The following MARCHF1 variants were observed in gnomAD, a reference collection of about 807,000 sequenced individuals.
The protein encoded by MARCHF1 is E3 ubiquitin-protein ligase MARCHF1.
In MARCHF1, 40 loss-of-function variants were observed where a neutral mutation model predicts 54.2. The observed-to-expected ratio is 0.74, with a 90% CI of 0.57 to 0.96. MARCHF1 has a LOEUF of 0.96. Among genes scored for constraint, MARCHF1 ranks in the 40% least tolerant of loss-of-function variants. MARCHF1 has a pLI of 0.00. For missense variants in MARCHF1, 586 were observed against 656.5 expected (o/e 0.89, Z 1.17); for synonymous variants, 236 against 236.3 (o/e 1.00, Z 0.01).
intron 1 of MARCHF1, among the ~76,000 whole-genome samples, chr4:164,327,130 G>A (rs900735189): frequency 6.6e-6 from 1 of 152,006 alleles, no homozygotes; most frequent in Non-Finnish European, 1.5e-5. Context: ...TTAGCACCTA[G>A]AATAAAAATA....
Position 163,857,803 on chromosome 4 carries a change from C to T in MARCHF1, c.-38-3634G>A, listed in dbSNP as rs187834130. ...TGAACATTTTCTTTGTTCCAGACAC[C>T]GTGCTTGCAACCTTTGGTACAGAGA... On this transcript the variant is annotated intron_variant, in intron 3 of 9. Coordinates refer to ENST00000514618, the MANE Select transcript of MARCHF1 (RefSeq NM_001394959.1). 8.5e-5 allele frequency among the ~76,000 whole-genome samples: 13 copies of T among 152,118 alleles called. No individual in the cohort carries two copies. In the East Asian group the frequency reaches 1.6e-3, roughly 18 times the overall value.
intron 3 of MARCHF1, among the ~76,000 whole-genome samples, chr4:163,945,121 C>A (rs1751998138): frequency 6.6e-6 from 1 of 152,218 alleles, no homozygotes; most frequent in Admixed American, 6.5e-5. Context: ...CCTATGCTAG[C>A]CTCTACTCCC....
intron 3 of MARCHF1, among the ~76,000 whole-genome samples, chr4:163,880,229 C>A (rs1046428994): frequency 2.0e-4 from 30 of 151,312 alleles, no homozygotes; most frequent in African/African-American, 7.3e-4. Flanking sequence ...AATACATTAG[C>A]AACCAGATAT....
At chr4:164,181,127 A>G (rs1730822885) in intron 1 of MARCHF1, among the ~76,000 whole-genome samples, 1 of 152,026 alleles carries the variant, frequency 6.6e-6, no homozygotes, top group African/African-American at 2.4e-5. Flanking sequence ...TGCCTCTCCC[A>G]CTTTAGCCAC....
intron 4 of MARCHF1, among the ~76,000 whole-genome samples, chr4:163,740,854 A>C (rs956535370): frequency 6.6e-6 from 1 of 152,212 alleles, no homozygotes; most frequent in African/African-American, 2.4e-5. Flanking sequence ...CAAAAGATAC[A>C]TAGTGGCAAC....
intron 3 of MARCHF1, among the ~76,000 whole-genome samples, chr4:163,914,714 T>G (rs1751268418): frequency 6.6e-6 from 1 of 152,180 alleles, no homozygotes; most frequent in South Asian, 2.1e-4. Flanking sequence ...TGTTTGTTTT[T>G]GTTTTTATTT....
intron 5 of MARCHF1, among the ~76,000 whole-genome samples, chr4:163,643,392 C>T (rs1579149822): frequency 7.2e-6 from 1 of 138,016 alleles, no homozygotes; most frequent in East Asian, 2.1e-4. Flanking sequence ...CCAGGCTAGT[C>T]TCAAATTCCT....
chr4:163,926,135 G>A (rs1024217992), intron 3 of MARCHF1, among the ~76,000 whole-genome samples: 1 of 151,544 alleles, frequency 6.6e-6, no homozygotes, highest in African/African-American at 2.4e-5. Flanking sequence ...AAGTCAAAAT[G>A]CAGAACATCC....
At chr4:164,381,572 T>A (rs1469430171) in intron 1 of MARCHF1, among the ~76,000 whole-genome samples, 1 of 152,214 alleles carries the variant, frequency 6.6e-6, no homozygotes, top group Non-Finnish European at 1.5e-5. Flanking sequence ...TAATATCATA[T>A]GCCAAAAACC....
At chr4:164,042,273 C>G (rs1156632704) in intron 2 of MARCHF1, among the ~76,000 whole-genome samples, 1 of 152,044 alleles carries the variant, frequency 6.6e-6, no homozygotes, top group Non-Finnish European at 1.5e-5. Flanking sequence ...GTATAAAGAA[C>G]TACTTGAGAC....
intron 1 of MARCHF1, among the ~76,000 whole-genome samples, chr4:164,264,776 T>C (rs553291481): frequency 6.6e-6 from 1 of 151,804 alleles, no homozygotes; most frequent in African/African-American, 2.4e-5. Flanking sequence ...AAAAATTAGC[T>C]GGATGTGGTG....
chr4:164,216,254 T>C (rs779236120), intron 1 of MARCHF1, among the ~76,000 whole-genome samples: 14 of 152,246 alleles, frequency 9.2e-5, no homozygotes, highest in Non-Finnish European at 1.6e-4. Context: ...GTATAAGTGC[T>C]GGCAGTTGAT....
chr4:164,215,857 A>T (rs193302291), intron 1 of MARCHF1, among the ~76,000 whole-genome samples: 170 of 152,324 alleles, frequency 1.1e-3, no homozygotes, highest in African/African-American at 4.1e-3. Context: ...ACAACAGTAA[A>T]AACAATTTTC....
chr4:164,050,275 C>CAAAAAAAAAAAAAAAAAA (rs34642436), intron 2 of MARCHF1, among the ~76,000 whole-genome samples: 4 of 40,192 alleles, frequency 1.0e-4, no homozygotes, highest in East Asian at 1.1e-3. Context: ...ACACTGTCTC[C>CAAAAAAAAAAAAAAAAAA]AAAAAAAAAA....
At chr4:163,897,486 T>C (rs1366355092) in intron 3 of MARCHF1, among the ~76,000 whole-genome samples, 2 of 152,076 alleles carry the variant, frequency 1.3e-5, no homozygotes, top group African/African-American at 4.8e-5. Context: ...AAGGCTATAA[T>C]AACTAAAACA....
At chr4:163,720,332 G>A (rs150615067) in intron 4 of MARCHF1, among the ~76,000 whole-genome samples, 5,896 of 152,170 alleles carry the variant, frequency 0.039, 171 homozygotes, top group East Asian at 0.077. Context: ...AAGATCAGAT[G>A]GTTGTAGATG....
chr4:164,230,670 A>G (rs1732391568), intron 1 of MARCHF1, among the ~76,000 whole-genome samples: 1 of 152,086 alleles, frequency 6.6e-6, no homozygotes, highest in Admixed American at 6.6e-5. Context: ...CCATTCTACT[A>G]TCTACCTCCA....
intron 4 of MARCHF1, among the ~76,000 whole-genome samples, chr4:163,740,747 A>G (rs1158174940): frequency 1.3e-5 from 2 of 152,248 alleles, no homozygotes; most frequent in Admixed American, 6.5e-5. Flanking sequence ...ATGGAGAACT[A>G]TATTCCAACA....
chr4:163,688,570 CTAT>C (rs1744343287), intron 5 of MARCHF1, among the ~76,000 whole-genome samples: 1 of 152,142 alleles, frequency 6.6e-6, no homozygotes, highest in Non-Finnish European at 1.5e-5. Context: ...CTCCAAACTA[CTAT>C]GTTAGATAAT....
Sources: gnomAD v4.1 joint callset for allele counts (sites outside exome capture counted in the v4.1 genomes callset) on GRCh38, gnomAD v4.1.1 for gene constraint, MANE v1.5 for transcripts, NCBI Gene and HGNC (gene_info 2026-07-23, HGNC 2026-07-21) for gene names.